Variants in FBXO31 observed in about 807,000 individuals in gnomAD.
The protein encoded by FBXO31 is F-box only protein 31.
In FBXO31, 24 loss-of-function variants were observed where a neutral mutation model predicts 54.4. That is an observed-to-expected ratio of 0.44 (90% CI 0.32 to 0.62). FBXO31 has a LOEUF of 0.62. FBXO31 is among the 20% of genes least tolerant of loss of function. FBXO31 has a pLI of 0.05. For missense variants in FBXO31, 665 were observed against 787.1 expected (o/e 0.84, Z 1.86); for synonymous variants, 388 against 335.6 (o/e 1.16, Z -1.71).
In FBXO31 at chr16:87,383,558, G is replaced by A. The variant is rs750069462; in HGVS notation, c.187C>T (p.Pro63Ser). Reference protein sequence around the residue: ...GLCAGPSPPPPRCSLLELPPE... With the variant: ...GLCAGPSPPPSRCSLLELPPE... ...GGCAGCTCCAGCAGCGAGCAGCGCGGGGGCGGCGGCGAGGGGCCCGCGCAC... is the reference window on the plus strand; with the variant it reads ...GGCAGCTCCAGCAGCGAGCAGCGCGAGGGCGGCGGCGAGGGGCCCGCGCAC... Residue 63 changes from proline (P) to serine (S), a missense_variant, in exon 1 of 9, where the codon CCG becomes TCG. Pro to Ser is a moderately conservative substitution (Grantham distance 74). Transcript: ENST00000311635. The surrounding 1 kb of genome is among the most constrained non-coding windows in gnomAD (Gnocchi z 4.9). The A allele has an allele frequency of 3.9e-6, 6 of 1,540,892 alleles. No homozygotes were observed. Among genetic ancestry groups the A allele is most frequent in the Non-Finnish European group, 5.2e-6 (6 of 1,149,934 alleles).
At position 87,335,552 on chromosome 16, in the gene FBXO31, T is replaced by G. The variant is rs565015591; in HGVS notation, c.843-95A>C. The G allele has an allele frequency of 2.1e-5, 22 of 1,046,776 alleles. No homozygotes were observed. The African/African-American group carries it at 3.2e-4, about 15-fold the overall frequency. The allele number at this position is 1,046,776 out of a possible 1,614,324, so 64.8% of individuals were successfully genotyped here. A position where few individuals can be genotyped will look rare whatever the true frequency, so the allele number is the denominator to read the frequency against. ...CAGGGATGAGCTTTGCAGGGCGGGGTAGGGCGGGCAGCTCAGCTCAACCAG... is the reference window on the plus strand; with the variant it reads ...CAGGGATGAGCTTTGCAGGGCGGGGGAGGGCGGGCAGCTCAGCTCAACCAG... On this transcript the variant is annotated intron_variant, in intron 6 of 8. Transcript: ENST00000311635. This position sits in a 1 kb window ranked among gnomAD's most constrained non-coding sequence, Gnocchi z 5.7.
rs1361184396 is a variant in FBXO31 at position 87,383,364 on chromosome 16, A to ACCCCCCCCCC, written c.340+40_340+41insGGGGGGGGGG. ...GCTCCGAGGCCTCCACCTGGCAGGGACCCCCCGCCCCTCCCGGCCCCGCCA... is the reference window on the plus strand; with the variant it reads ...GCTCCGAGGCCTCCACCTGGCAGGGACCCCCCCCCCCCCCCCGCCCCTCCCGGCCCCGCCA... On this transcript the variant is annotated intron_variant, in intron 1 of 8. Transcript: ENST00000311635. This position sits in a 1 kb window ranked among gnomAD's most constrained non-coding sequence, Gnocchi z 4.9. 3.2e-3 allele frequency: 4,235 copies of ACCCCCCCCCC among 1,326,506 alleles called. No individual in the cohort carries two copies. Among genetic ancestry groups the ACCCCCCCCCC allele is most frequent in the Non-Finnish European group, 3.9e-3 (3,823 of 973,230 alleles). The allele number at this position is 1,326,506 out of a possible 1,614,324, so 82.2% of individuals were successfully genotyped here. A position where few individuals can be genotyped will look rare whatever the true frequency, so the allele number is the denominator to read the frequency against.
intron 1 of FBXO31, among the ~76,000 whole-genome samples, chr16:87,373,974 T>C (rs1330992523): frequency 1.3e-5 from 2 of 152,208 alleles, no homozygotes. Flanking sequence ...CCGGGCATGG[T>C]GGTTCACACC....
chr16:87,334,739 C>A (rs1426427445), intron 7 of FBXO31, among the ~76,000 whole-genome samples: 1 of 152,242 alleles, frequency 6.6e-6, no homozygotes, highest in African/African-American at 2.4e-5. Flanking sequence ...GGCTTCGCCC[C>A]TTCAGGCGCT....
chr16:87,342,783 G>T, intron 5 of FBXO31, 94 bp downstream of exon 5: 1 of 1,063,250 alleles, frequency 9.4e-7, no homozygotes, highest in Non-Finnish European at 1.3e-6. Context: ...CAGGTCGCAT[G>T]CTGCTGACTT....
At chr16:87,359,670 C>T (rs1306047753) in intron 2 of FBXO31, among the ~76,000 whole-genome samples, 1 of 152,196 alleles carries the variant, frequency 6.6e-6, no homozygotes, top group African/African-American at 2.4e-5. Flanking sequence ...CTCTGACCAT[C>T]CAAAAAAGCC....
In FBXO31 at chr16:87,361,173, G is replaced by C. The variant is rs116132108; in HGVS notation, c.341-807C>G. On this transcript the variant is annotated intron_variant, in intron 1 of 8. Coordinates refer to ENST00000311635, the MANE Select transcript of FBXO31 (RefSeq NM_024735.5). ...GCAACACCTGCATTGAGCTTTCCAC[G>C]TGCTGTGTACCATGCCAAGCCATGC... Among the ~76,000 whole-genome samples, 903 of 152,332 alleles carry C rather than the reference G, an allele frequency of 5.9e-3. 6 individuals carry two copies. The highest frequency in any genetic ancestry group is 0.02 in the African/African-American group (839 of 41,574).
chr16:87,339,275 G>C (rs1905121576), intron 5 of FBXO31, among the ~76,000 whole-genome samples: 1 of 152,190 alleles, frequency 6.6e-6, no homozygotes, highest in South Asian at 2.1e-4. Flanking sequence ...CAGACCTCCT[G>C]GGATGTCCTC....
chr16:87,333,916 T>A lies in FBXO31; in HGVS notation c.1367A>T (p.Asn456Ile). Reference sequence around the variant, plus strand: ...CCTGCAGGTTCGGGGGTAGTCCTCATTCCTGGAGCTCACGCCCACGGGCAG... The same window carrying A: ...CCTGCAGGTTCGGGGGTAGTCCTCAATCCTGGAGCTCACGCCCACGGGCAG... ...FVLPVGVSSR[N>I]EDYPRTCRMC... Residue 456 changes from asparagine to isoleucine, a missense_variant, in exon 8 of 9, where the codon AAT becomes ATT. Asn to Ile is a moderately radical substitution (Grantham distance 149). Coordinates refer to ENST00000311635, the MANE Select transcript of FBXO31 (RefSeq NM_024735.5). The A allele has an allele frequency of 6.2e-7, 1 of 1,610,334 alleles. No homozygotes were observed. Among genetic ancestry groups the A allele is most frequent in the South Asian group, 1.1e-5 (1 of 90,752 alleles).
rs1247204377 is a variant in FBXO31, at chr16:87,368,426, T to C, written c.341-8060A>G. ...GCCCTTAACACAGCTCTCAGGCCAG[T>C]GTCCTTTCCAGCAACTATGCACCCT... On this transcript the variant is annotated intron_variant, in intron 1 of 8. Transcript: ENST00000311635. 4.6e-5 allele frequency among the ~76,000 whole-genome samples: 7 copies of C among 152,310 alleles called. No homozygotes were observed. In the East Asian group the frequency reaches 1.2e-3, roughly 25 times the overall value.
intron 3 of FBXO31, among the ~76,000 whole-genome samples, chr16:87,344,786 G>T (rs1030356759): frequency 1.3e-5 from 2 of 152,152 alleles, no homozygotes; most frequent in Non-Finnish European, 2.9e-5. Flanking sequence ...GCTGGAGCAC[G>T]CGACGCCCAA....
chr16:87,331,550 G>A (rs773603453), intron 8 of FBXO31, 40 bp from the exon 9 acceptor site: 2 of 1,529,298 alleles, frequency 1.3e-6, no homozygotes, highest in South Asian at 1.2e-5. Flanking sequence ...CTGGGGGAGG[G>A]CTGAGTCAAA....
intron 2 of FBXO31, among the ~76,000 whole-genome samples, chr16:87,349,987 A>G (rs371389564): frequency 6.6e-6 from 1 of 152,152 alleles, no homozygotes; most frequent in African/African-American, 2.4e-5. Flanking sequence ...AAGGAAACCT[A>G]AAGCTCACCA....
Position 87,333,638 on chromosome 16 carries a change from C to T in FBXO31, c.1397+248G>A, listed in dbSNP as rs192234926. Among the ~76,000 whole-genome samples the T allele has an allele frequency of 1.2e-4, 19 of 152,340 alleles. No individual in the cohort carries two copies. The East Asian group carries it at 2.7e-3, about 22-fold the overall frequency. ...ATCTGGAAGCCTCATGCCCCTGCAG[C>T]TCTGAGGTACCCCAGAAGGGGTGGA... On this transcript the variant is annotated intron_variant, in intron 8 of 8. Coordinates refer to ENST00000311635, the MANE Select transcript of FBXO31 (RefSeq NM_024735.5).
intron 1 of FBXO31, among the ~76,000 whole-genome samples, chr16:87,380,444 C>T (rs573629064): frequency 3.9e-5 from 6 of 152,088 alleles, no homozygotes; most frequent in African/African-American, 9.7e-5. Context: ...CTCTGTCACC[C>T]GGACTGGAGT....
intron 2 of FBXO31, among the ~76,000 whole-genome samples, chr16:87,352,040 G>C (rs190408012): frequency 1.3e-5 from 2 of 152,170 alleles, no homozygotes; most frequent in Admixed American, 6.5e-5. Flanking sequence ...GGGTGGGGTG[G>C]GGGGCCCCTG....
rs1009259843 is a variant in FBXO31, at chr16:87,335,422, G to A, written c.878C>T (p.Pro293Leu). 26 of 1,613,608 alleles carry A rather than the reference G, an allele frequency of 1.6e-5. No homozygotes were observed. The highest frequency in any genetic ancestry group is 2.1e-5 in the Non-Finnish European group (25 of 1,179,936). Reference sequence around the variant, plus strand: ...CTTGATGAGGTCGTCGGGGCGGCTGGGCGGCAGGTAGATGCGGCGGTAGGT... The same window carrying A: ...CTTGATGAGGTCGTCGGGGCGGCTGAGCGGCAGGTAGATGCGGCGGTAGGT... ...CLTYRRIYLP[P>L]SRPDDLIKPG... is the part of the protein sequence containing the mutation. Residue 293 changes from proline to leucine, a missense_variant, in exon 7 of 9, where the codon CCC becomes CTC. Coordinates refer to ENST00000311635, the MANE Select transcript of FBXO31 (RefSeq NM_024735.5). This position sits in a 1 kb window ranked among gnomAD's most constrained non-coding sequence, Gnocchi z 5.7.
chr16:87,330,901 T>G lies in FBXO31; in HGVS notation c.*387A>C. On this transcript the variant is annotated 3_prime_UTR_variant, in exon 9 of 9. Transcript: ENST00000311635. ...CACATGCGTCTCACACACGACCCAG[T>G]CTATCACTCTATCCGCTCACAGGAA... 8.4e-6 allele frequency: 2 copies of G among 237,220 alleles called. No individual in the cohort carries two copies. Among genetic ancestry groups the G allele is most frequent in the South Asian group, 5.6e-5 (1 of 17,866 alleles). 14.7% of individuals were successfully genotyped at this position (237,220 alleles called of 1,614,324 possible). A position where few individuals can be genotyped will look rare whatever the true frequency, so the allele number is the denominator to read the frequency against.
At chr16:87,382,795 G>A (rs1907140142) in intron 1 of FBXO31, among the ~76,000 whole-genome samples, 1 of 152,132 alleles carries the variant, frequency 6.6e-6, no homozygotes, top group African/African-American at 2.4e-5. Flanking sequence ...ACCACGCCCG[G>A]CTAATTTTTG....
Sources: gnomAD v4.1 joint callset for allele counts (sites outside exome capture counted in the v4.1 genomes callset) on GRCh38, gnomAD v4.1.1 for gene constraint, Gnocchi (gnomAD v3.1) non-coding constraint, MANE v1.5 for transcripts, NCBI Gene and HGNC (gene_info 2026-07-23, HGNC 2026-07-21) for gene names.